AKR1A1: variants seen among roughly 807,000 people sequenced by gnomAD.
AKR1A1 encodes the protein HEL-S-165mP.
A neutral mutation model predicts 39.2 loss-of-function variants in AKR1A1; 26 were observed. The ratio of observed to expected loss-of-function variants is 0.66; its 90% CI spans 0.49 to 0.92. The LOEUF is 0.92. AKR1A1 is among the 40% of genes least tolerant of loss of function. The pLI, the probability that AKR1A1 is intolerant of heterozygous loss-of-function variation, is 0.00. For missense variants in AKR1A1, 378 were observed against 406.5 expected (o/e 0.93, Z 0.60); for synonymous variants, 141 against 155.5 (o/e 0.91, Z 0.69).
intron 4 of AKR1A1, 95 bp from the exon 5 acceptor site, chr1:45,567,887 G>C (rs1644364600): frequency 3.3e-6 from 4 of 1,211,118 alleles, no homozygotes; most frequent in Non-Finnish European, 4.5e-6. Context: ...TGTCCTCTCT[G>C]GGATTGGAGT....
chr1:45,568,400 G>C, intron 5 of AKR1A1, 85 bp from the exon 6 acceptor site: 1 of 1,456,932 alleles, frequency 6.9e-7, no homozygotes, highest in Non-Finnish European at 9.6e-7. Context: ...TCAGCAATAG[G>C]GGGTGGTCCA....
chr1:45,564,704 G>C (rs116804395), intron 2 of AKR1A1, among the ~76,000 whole-genome samples: 1 of 151,480 alleles, frequency 6.6e-6, no homozygotes, highest in Non-Finnish European at 1.5e-5. Flanking sequence ...CAGCTCCTTA[G>C]AACCTGGAAC....
intron 1 of AKR1A1, among the ~76,000 whole-genome samples, chr1:45,553,994 CAA>C (rs879812537): frequency 7.3e-6 from 1 of 136,734 alleles, no homozygotes; most frequent in Non-Finnish European, 1.6e-5. Context: ...GACTCCGTCT[CAA>C]AAAAAAAAAG....
chr1:45,567,707 G>A (rs1644362078), intron 4 of AKR1A1: 1 of 260,012 alleles, frequency 3.8e-6, no homozygotes, highest in Non-Finnish European at 7.4e-6. Flanking sequence ...AGCGCCTGTA[G>A]TCCCAGCTAC....
chr1:45,558,114 G>T (rs1458486651), intron 1 of AKR1A1, among the ~76,000 whole-genome samples: 1 of 151,764 alleles, frequency 6.6e-6, no homozygotes, highest in Non-Finnish European at 1.5e-5. Context: ...TCGCCTTGTT[G>T]GCCAGGCTGG....
intron 1 of AKR1A1, among the ~76,000 whole-genome samples, chr1:45,559,209 G>A (rs1256655310): frequency 6.6e-6 from 1 of 152,128 alleles, no homozygotes; most frequent in Non-Finnish European, 1.5e-5. Context: ...ACTGAAGGAA[G>A]GCAGTTTAAA....
At chr1:45,562,355 T>TA (rs1439216639) in intron 2 of AKR1A1, among the ~76,000 whole-genome samples, 8 of 148,870 alleles carry the variant, frequency 5.4e-5, no homozygotes, top group East Asian at 2.0e-4. Flanking sequence ...TTTTTTTTTT[T>TA]ACTCGAGACA....
rs761306752 is a variant in AKR1A1 at position 45,568,103 on chromosome 1, G to T, written c.478G>T (p.Gly160Cys). 15 of 1,613,948 alleles carry T rather than the reference G, an allele frequency of 9.3e-6. No individual in the cohort carries two copies. The highest frequency in any genetic ancestry group is 1.1e-5 in the Non-Finnish European group (13 of 1,180,032). Residue 160 changes from glycine (G) to cysteine (C), a missense_variant, in exon 5 of 9, where the codon GGC becomes TGC. Gly to Cys is a radical substitution (Grantham distance 159). Coordinates refer to ENST00000351829, the MANE Select transcript of AKR1A1 (RefSeq NM_153326.3). ...GGCTAAGGGGCTGGTGCAGGCGCTG[G>T]GCCTGTCCAACTTCAACAGTCGGCA... Reference protein sequence around the residue: ...LVAKGLVQALGLSNFNSRQID... With the variant: ...LVAKGLVQALCLSNFNSRQID...
Position 45,569,942 on chromosome 1 carries a change from A to G in AKR1A1, c.964A>G (p.Asn322Asp). ...TGCAGGGCATCCTCTGTACCCCTTT[A>G]ATGACCCGTACTGAGACCACAGCTT... ...RDAGHPLYPF[N>D]DPY The change falls in exon 9 of 9, where the codon AAT becomes GAT. Residue 322 changes from asparagine to aspartate, a missense_variant. Physicochemically the swap from Asn to Asp is conservative, Grantham distance 23. Transcript: ENST00000351829. 6.2e-7 allele frequency: 1 copy of G among 1,614,156 alleles called. No individual in the cohort carries two copies. The highest frequency in any genetic ancestry group is 8.5e-7 in the Non-Finnish European group (1 of 1,180,002).
chr1:45,560,725 C>CTT (rs565611681), intron 1 of AKR1A1, among the ~76,000 whole-genome samples: 1,554 of 114,328 alleles, frequency 0.014, 33 homozygotes, highest in African/African-American at 0.044. Flanking sequence ...CTCTGCAGTT[C>CTT]TTTTTTTTTT....
intron 8 of AKR1A1, among the ~76,000 whole-genome samples, chr1:45,569,503 T>A (rs1407361679): frequency 6.6e-6 from 1 of 152,146 alleles, no homozygotes; most frequent in African/African-American, 2.4e-5. Flanking sequence ...CAGCTTCCTA[T>A]GTGTAAAATG....
intron 1 of AKR1A1, among the ~76,000 whole-genome samples, chr1:45,557,385 T>C (rs766374377): frequency 1.3e-5 from 2 of 152,018 alleles, no homozygotes; most frequent in Non-Finnish European, 2.9e-5. Context: ...AAAACATCTA[T>C]GTGGCACCTT....
chr1:45,564,908 C>T (rs1010903145), intron 2 of AKR1A1, among the ~76,000 whole-genome samples: 34 of 151,794 alleles, frequency 2.2e-4, no homozygotes, highest in African/African-American at 7.0e-4. Flanking sequence ...CTGCAAGCTC[C>T]GCCTCCTAGG....
intron 1 of AKR1A1, among the ~76,000 whole-genome samples, chr1:45,556,339 T>C (rs1570892672): frequency 1.3e-5 from 2 of 152,206 alleles, no homozygotes; most frequent in East Asian, 3.8e-4. Flanking sequence ...TCCCAGCACA[T>C]TGGGCCGAGG....
chr1:45,558,620 G>A (rs561125641), intron 1 of AKR1A1, among the ~76,000 whole-genome samples: 3 of 151,752 alleles, frequency 2.0e-5, no homozygotes, highest in South Asian at 4.2e-4. Context: ...GGCTGGTCTC[G>A]AACTCCTGAC....
chr1:45,551,050 T>G lies in AKR1A1; in HGVS notation c.-112T>G, dbSNP rs182323609. The G allele has an allele frequency of 6.5e-6, 1 of 152,738 alleles. No homozygotes were observed. The highest frequency in any genetic ancestry group is 2.4e-5 in the African/African-American group (1 of 41,598). The allele number at this position is 152,738 out of a possible 1,614,324, so 9.5% of individuals were successfully genotyped here. ...CCCTGCCCCTCCCTCCGGGTGGAAC[T>G]TCCCCCTCACCGCCAGACTTAAGCT... On this transcript the variant is annotated 5_prime_UTR_variant, in exon 1 of 9. Transcript: ENST00000351829.
chr1:45,568,575 T>C lies in AKR1A1; in HGVS notation c.643T>C (p.Ser215Pro), dbSNP rs769533889. 1.2e-6 allele frequency: 2 copies of C among 1,613,938 alleles called. No individual in the cohort carries two copies. The highest frequency in any genetic ancestry group is 1.7e-6 in the Non-Finnish European group (2 of 1,179,948). Residue 215 changes from serine to proline, a missense_variant, in exon 6 of 9, where the codon TCC becomes CCC. Transcript: ENST00000351829. ...LEVTAYSPLG[S>P]SDRAWRDPDE... is the part of the protein sequence containing the mutation. Reference sequence around the variant, plus strand: ...GGTAACTGCTTATAGCCCTTTGGGCTCCTCTGATCGTGCATGGCGTGATCC... The same window carrying C: ...GGTAACTGCTTATAGCCCTTTGGGCCCCTCTGATCGTGCATGGCGTGATCC...
At chr1:45,564,404 G>A (rs1199709487) in intron 2 of AKR1A1, among the ~76,000 whole-genome samples, 1 of 152,054 alleles carries the variant, frequency 6.6e-6, no homozygotes. Flanking sequence ...TCTAGGGCCG[G>A]GTACCCTTGT....
intron 1 of AKR1A1, among the ~76,000 whole-genome samples, chr1:45,554,500 G>T (rs1344348407): frequency 6.6e-6 from 1 of 151,722 alleles, no homozygotes; most frequent in African/African-American, 2.4e-5. Flanking sequence ...GATTGCTCCA[G>T]TCCAGGAGTT....
Sources: gnomAD v4.1 joint callset for allele counts (sites outside exome capture counted in the v4.1 genomes callset) on GRCh38, gnomAD v4.1.1 for gene constraint, MANE v1.5 for transcripts, NCBI Gene and HGNC (gene_info 2026-07-23, HGNC 2026-07-21) for gene names.